The following ADGRV1 variants were observed in gnomAD, a reference collection of about 807,000 sequenced individuals.
ADGRV1 encodes adhesion G protein-coupled receptor V1, also known as G-protein coupled receptor 98.
ADGRV1 carries 359 observed loss-of-function variants against 596.2 expected under a neutral mutation model. That is an observed-to-expected ratio of 0.60 (90% CI 0.55 to 0.66). ADGRV1 has a LOEUF of 0.66. Ranked by LOEUF, ADGRV1 falls within the 30% of genes least tolerant of loss-of-function variation. ADGRV1 has a pLI of 0.00. For missense variants in ADGRV1, 7,274 were observed against 7,575.6 expected (o/e 0.96, Z 1.48); for synonymous variants, 2,681 against 2,679.2 (o/e 1.00, Z -0.02).
At chr5:91,093,085 A>G (rs777393953) in intron 86 of ADGRV1, among the ~76,000 whole-genome samples, 11 of 152,186 alleles carry the variant, frequency 7.2e-5, no homozygotes, top group Admixed American at 3.9e-4. Flanking sequence ...GCATTAACTA[A>G]TACTTACCAA....
chr5:90,774,056 C>A (rs1293787319), intron 59 of ADGRV1, 130 bp from the exon 60 acceptor site: 7 of 418,642 alleles, frequency 1.7e-5, no homozygotes, highest in Non-Finnish European at 3.0e-5. Context: ...AGCTGCAACT[C>A]GTAATTCTAG....
chr5:90,684,214 GTTATTA>G lies in ADGRV1; in HGVS notation c.6274+29_6274+34del, dbSNP rs771346895. ...CGTTCAAGTAAGTATCCCTTAGTGT[GTTATTA>G]TTATTATTAGCTCTCAGAATCCTGA... On this transcript the variant is annotated intron_variant, in intron 28 of 89. Transcript: ENST00000405460. 3.2e-6 allele frequency: 5 copies of G among 1,550,958 alleles called. No individual in the cohort carries two copies. In the Admixed American group the frequency reaches 6.0e-5, roughly 19 times the overall value.
intron 21 of ADGRV1, among the ~76,000 whole-genome samples, chr5:90,671,961 T>A (rs1171159369): frequency 1.3e-5 from 2 of 152,226 alleles, no homozygotes; most frequent in Non-Finnish European, 2.9e-5. Flanking sequence ...AGATGCCCTC[T>A]TTGATCTGAC....
In ADGRV1 at chr5:90,806,944, C is replaced by T. The variant is rs756692852; in HGVS notation, c.14837-658C>T. 7.9e-5 allele frequency among the ~76,000 whole-genome samples: 12 copies of T among 152,072 alleles called. 1 individual carries two copies. In the South Asian group the frequency reaches 1.7e-3, roughly 21 times the overall value. Reference sequence around the variant, plus strand: ...CTCAACTCACTGCAACCTCCACCTCCCGGGCTCAAGGTATTCTCCTGCCTC... The same window carrying T: ...CTCAACTCACTGCAACCTCCACCTCTCGGGCTCAAGGTATTCTCCTGCCTC... On this transcript the variant is annotated intron_variant, in intron 72 of 89. Coordinates refer to ENST00000405460, the MANE Select transcript of ADGRV1 (RefSeq NM_032119.4).
At chr5:90,928,985 C>A (rs971722609) in intron 83 of ADGRV1, among the ~76,000 whole-genome samples, 2 of 148,920 alleles carry the variant, frequency 1.3e-5, no homozygotes, top group East Asian at 2.0e-4. Flanking sequence ...GGCAGTCTGC[C>A]CGTTCTCAGA....
chr5:90,771,403 G>A (rs1427935120), intron 59 of ADGRV1, among the ~76,000 whole-genome samples: 1 of 152,100 alleles, frequency 6.6e-6, no homozygotes, highest in African/African-American at 2.4e-5. Flanking sequence ...TGCAAAATGA[G>A]GATAATAAGG....
intron 82 of ADGRV1, among the ~76,000 whole-genome samples, chr5:90,857,424 A>G (rs1767127520): frequency 6.6e-6 from 1 of 152,136 alleles, no homozygotes; most frequent in African/African-American, 2.4e-5. Context: ...CTAAAGAGAG[A>G]ATGTTATCCT....
chr5:90,668,376 G>C (rs1771869510), intron 21 of ADGRV1, among the ~76,000 whole-genome samples: 1 of 150,788 alleles, frequency 6.6e-6, no homozygotes. Flanking sequence ...CGATTTTCCA[G>C]GTGCCGTCCG....
chr5:91,158,617 T>G (rs940137183), intron 89 of ADGRV1, among the ~76,000 whole-genome samples: 2 of 152,140 alleles, frequency 1.3e-5, no homozygotes, highest in African/African-American at 4.8e-5. Context: ...CAGAGGTTAA[T>G]AAGTCTCAAA....
At chr5:90,959,863 GGC>G (rs1777816965) in intron 83 of ADGRV1, among the ~76,000 whole-genome samples, 4 of 152,136 alleles carry the variant, frequency 2.6e-5, no homozygotes, top group African/African-American at 9.7e-5. Context: ...TCAGTGTCTG[GGC>G]GCAGTGGCTC....
intron 1 of ADGRV1, among the ~76,000 whole-genome samples, chr5:90,578,501 G>T: frequency 6.6e-6 from 1 of 151,824 alleles, no homozygotes; most frequent in Middle Eastern, 3.2e-3. Flanking sequence ...ATGTGCTGCT[G>T]GATTCCGTTT....
intron 83 of ADGRV1, among the ~76,000 whole-genome samples, chr5:90,935,068 A>G (rs923482579): frequency 3.3e-5 from 5 of 152,220 alleles, no homozygotes; most frequent in Non-Finnish European, 7.3e-5. Flanking sequence ...CAAATGTTCA[A>G]TCCATAACAG....
chr5:90,841,023 AT>A, intron 78 of ADGRV1, 38 bp downstream of exon 78: 1 of 1,402,248 alleles, frequency 7.1e-7, no homozygotes. Flanking sequence ...GTTTAGTGAA[AT>A]TTTGTAAATT....
intron 77 of ADGRV1, among the ~76,000 whole-genome samples, chr5:90,833,156 A>G (rs1199753509): frequency 6.6e-6 from 1 of 152,002 alleles, no homozygotes; most frequent in Admixed American, 6.6e-5. Context: ...TTTGATAAGG[A>G]TTGTGTTGAA....
chr5:90,965,472 G>T lies in ADGRV1; in HGVS notation c.17914G>T (p.Ala5972Ser). The part of the protein sequence containing the change: ...SPQLAEESCS[A>S]MAAVTHYLYL... ...CCAACTCGCTGAGGAGAGCTGTTCA[G>T]CTATGGCTGCTGTCACACATTACCT... The change falls in exon 84 of 90, where the codon GCT becomes TCT. Residue 5972 changes from alanine (A) to serine (S), a missense_variant. By Grantham distance (99) the Ala-to-Ser change is moderately conservative. Around this residue, in one of 5 missense-constraint regions of ADGRV1, gnomAD observed 1,874 missense variants for 1,970.2 expected, o/e 0.95. Coordinates refer to ENST00000405460, the MANE Select transcript of ADGRV1 (RefSeq NM_032119.4). The T allele has an allele frequency of 6.2e-7, 1 of 1,613,856 alleles. No individual in the cohort carries two copies. Among genetic ancestry groups the T allele is most frequent in the Non-Finnish European group, 8.5e-7 (1 of 1,179,766 alleles).
In ADGRV1 at chr5:90,653,412, G is replaced by A. The variant is rs184031236; in HGVS notation, c.3838G>A (p.Asp1280Asn). 6.1e-5 allele frequency: 98 copies of A among 1,613,964 alleles called. No homozygotes were observed. The highest frequency in any genetic ancestry group is 7.6e-5 in the Non-Finnish European group (90 of 1,179,878). Residue 1280 changes from aspartate to asparagine, a missense_variant, in exon 20 of 90, where the codon GAT becomes AAT. This residue lies in a region of ADGRV1 where 1,715 missense variants were observed against 1,708.8 expected (regional missense o/e 1.00). Transcript: ENST00000405460. Reference sequence around the variant, plus strand: ...TTTGAGGCAGCAGGGTGTGTTTGGTGATGTACAACTGGGCTGGGAAATACT... The same window carrying A: ...TTTGAGGCAGCAGGGTGTGTTTGGTAATGTACAACTGGGCTGGGAAATACT... Reference protein sequence around the residue: ...TILRQQGVFGDVQLGWEILSS... With the variant: ...TILRQQGVFGNVQLGWEILSS...
intron 1 of ADGRV1, among the ~76,000 whole-genome samples, chr5:90,579,784 G>A (rs1041643511): frequency 2.0e-5 from 3 of 152,170 alleles, no homozygotes; most frequent in South Asian, 4.2e-4. Flanking sequence ...ATGAATCCGG[G>A]TGCTCCTGTA....
In ADGRV1 at chr5:90,763,331, C is replaced by T. The variant is rs1394209489; in HGVS notation, c.12147C>T (p.Ser4049=). Residue 4049 remains serine (S), a synonymous_variant, in exon 59 of 90, where the codon TCC becomes TCT. Transcript: ENST00000405460. ...TAATGATTGATGAATCCCTTTCATC[C>T]GATGACCCTGATTCATATGTGACAT... ...KTVMIDESLS[S]DDPDSYVTLT... 1.1e-5 allele frequency: 17 copies of T among 1,594,514 alleles called. No individual in the cohort carries two copies. The highest frequency in any genetic ancestry group is 1.5e-5 in the Non-Finnish European group (17 of 1,166,236).
At chr5:91,085,085 G>T (rs1044047485) in intron 86 of ADGRV1, among the ~76,000 whole-genome samples, 9 of 152,122 alleles carry the variant, frequency 5.9e-5, no homozygotes, top group Admixed American at 2.6e-4. Context: ...GTCATGAAAT[G>T]GGGGGCTGCA....
Sources: gnomAD v4.1 joint callset for allele counts (sites outside exome capture counted in the v4.1 genomes callset) on GRCh38, gnomAD v4.1.1 for gene constraint, gnomAD v4.1.1 regional missense constraint, MANE v1.5 for transcripts, NCBI Gene and HGNC (gene_info 2026-07-23, HGNC 2026-07-21) for gene names.